Variants in UPP2 observed in about 807,000 individuals in gnomAD.
UPP2 encodes the protein UPase 2.
UPP2 carries 23 observed loss-of-function variants against 26.7 expected under a neutral mutation model. The ratio of observed to expected loss-of-function variants is 0.86; its 90% CI spans 0.62 to 1.22. The LOEUF (loss-of-function observed/expected upper bound fraction) is 1.22. UPP2 is among the 50% of genes most tolerant of loss of function. UPP2 has a pLI of 0.00. For synonymous variants in UPP2, 127 were observed against 141.3 expected, an observed-to-expected ratio of 0.90 and a Z score of 0.72; for missense variants, 387 against 396.7, an observed-to-expected ratio of 0.98 and a Z score of 0.21.
Position 158,101,963 on chromosome 2 carries a change from G to A in UPP2, c.-101G>A, listed in dbSNP as rs1160577871. 1.3e-6 allele frequency: 2 copies of A among 1,491,216 alleles called. No individual in the cohort carries two copies. The highest frequency in any genetic ancestry group is 1.8e-6 in the Non-Finnish European group (2 of 1,121,244). The allele number at this position is 1,491,216 out of a possible 1,614,324, so 92.4% of individuals were successfully genotyped here. ...TTTAAGAGAGGTTATCATTCTGACT[G>A]GGAACTGAACTATTATGACTAGGTC... On this transcript the variant is annotated 5_prime_UTR_variant, in exon 1 of 7. Coordinates refer to ENST00000005756, the MANE Select transcript of UPP2 (RefSeq NM_173355.4).
At position 158,121,438 on chromosome 2, in the gene UPP2, G is replaced by T. The variant is rs769538423; in HGVS notation, c.484G>T (p.Asp162Tyr). 1.2e-6 allele frequency: 2 copies of T among 1,613,254 alleles called. No individual in the cohort carries two copies. The highest frequency in any genetic ancestry group is 4.5e-5 in the East Asian group (2 of 44,866). Residue 162 changes from aspartate (D) to tyrosine (Y), a missense_variant, in exon 5 of 7, where the codon GAT (aspartate) becomes TAT (tyrosine). Transcript: ENST00000005756. The part of the protein sequence containing the change: ...GIAPGTVVIT[D>Y]IAVDSFFKPR... The stretch of plus-strand genomic sequence containing the variant: ...TGCACCAGGGACTGTTGTAATAACG[G>T]ATATAGCTGTAGACTCCTTCTTTAA...
Position 158,035,726 on chromosome 2 carries a change from G to C in UPP2, c.147+19840G>C, listed in dbSNP as rs528043712. 2.0e-5 allele frequency among the ~76,000 whole-genome samples: 3 copies of C among 152,310 alleles called. No individual in the cohort carries two copies. In the South Asian group the frequency reaches 6.2e-4, roughly 32 times the overall value. The stretch of plus-strand genomic sequence containing the variant: ...TTCATACATTGATGACATTAGATCT[G>C]CCAAACTGTTTAGCACTGTATAAAA... On this transcript the variant is annotated intron_variant, in intron 3 of 9. Transcript: ENST00000605860.
At position 158,056,930 on chromosome 2, in the gene UPP2, G is replaced by T. The variant is rs576741753; in HGVS notation, c.147+41044G>T. 4.5e-4 allele frequency among the ~76,000 whole-genome samples: 68 copies of T among 152,254 alleles called. 2 individuals are homozygous for T. In the South Asian group the frequency reaches 0.013, roughly 30 times the overall value. ...ATTATGTCATGTCTCTTTAGGCTTTGCTTGGCTGTGGCAGTTTTTCAGATT... is the reference window on the plus strand; with the variant it reads ...ATTATGTCATGTCTCTTTAGGCTTTTCTTGGCTGTGGCAGTTTTTCAGATT... On this transcript the variant is annotated intron_variant, in intron 3 of 9. Coordinates refer to the UPP2 transcript ENST00000605860.
At chr2:158,030,579 T>C (rs1237734053) in intron 3 of UPP2, among the ~76,000 whole-genome samples, 2 of 152,212 alleles carry the variant, frequency 1.3e-5, no homozygotes, top group East Asian at 1.9e-4. Context: ...TCATCAGGAC[T>C]CCAGGTGACA....
chr2:158,012,775 G>A (rs1683601270), intron 2 of UPP2, among the ~76,000 whole-genome samples: 1 of 152,012 alleles, frequency 6.6e-6, no homozygotes, highest in Non-Finnish European at 1.5e-5. Context: ...GTCACTACAA[G>A]GAGATGGTAA....
At chr2:158,056,402 TA>T (rs1682245983) in intron 3 of UPP2, among the ~76,000 whole-genome samples, 1 of 152,222 alleles carries the variant, frequency 6.6e-6, no homozygotes, top group Non-Finnish European at 1.5e-5. Context: ...TTGTTTTGTT[TA>T]TTTACTTTTT....
At chr2:158,108,923 TG>T (rs1373060465) in intron 2 of UPP2, among the ~76,000 whole-genome samples, 4 of 151,356 alleles carry the variant, frequency 2.6e-5, no homozygotes, top group African/African-American at 7.3e-5. Context: ...TGTGTGTGTG[TG>T]TGTGTGTGTT....
chr2:158,009,064 T>C (rs1683536738), intron 2 of UPP2, among the ~76,000 whole-genome samples: 1 of 152,228 alleles, frequency 6.6e-6, no homozygotes, highest in Non-Finnish European at 1.5e-5. Context: ...CTGAAATGCT[T>C]TGATATTGCA....
At chr2:158,108,787 T>C (rs1450966739) in intron 2 of UPP2, among the ~76,000 whole-genome samples, 1 of 152,116 alleles carries the variant, frequency 6.6e-6, no homozygotes, top group African/African-American at 2.4e-5. Context: ...TTCAGTAAAT[T>C]ATCTTTTGGA....
intron 3 of UPP2, among the ~76,000 whole-genome samples, chr2:158,094,260 A>G (rs1682954418): frequency 6.6e-6 from 1 of 152,126 alleles, no homozygotes; most frequent in East Asian, 1.9e-4. Context: ...AATGTGTTAA[A>G]TATGGCAAAA....
intron 3 of UPP2, among the ~76,000 whole-genome samples, chr2:158,071,042 G>A (rs941151971): frequency 1.3e-5 from 2 of 152,154 alleles, no homozygotes; most frequent in South Asian, 2.1e-4. Flanking sequence ...TTCTCTGCAA[G>A]CCTCATCACC....
At chr2:158,020,024 T>A (rs933782962) in intron 3 of UPP2, among the ~76,000 whole-genome samples, 2 of 152,234 alleles carry the variant, frequency 1.3e-5, no homozygotes, top group Non-Finnish European at 2.9e-5. Context: ...ATACCTAGCA[T>A]AAAGGCTAAG....
At chr2:158,107,486 T>C (rs985947103) in intron 2 of UPP2, among the ~76,000 whole-genome samples, 3 of 152,158 alleles carry the variant, frequency 2.0e-5, no homozygotes, top group African/African-American at 7.2e-5. Flanking sequence ...CTAGGGTTCT[T>C]GCTCATTGCA....
At chr2:158,002,282 G>A (rs1008533202) in intron 2 of UPP2, among the ~76,000 whole-genome samples, 3 of 152,170 alleles carry the variant, frequency 2.0e-5, no homozygotes, top group African/African-American at 7.2e-5. Context: ...AAAGATAAAC[G>A]TGCAACTCGA....
At chr2:158,089,603 C>T (rs1682874274) in intron 3 of UPP2, among the ~76,000 whole-genome samples, 1 of 152,214 alleles carries the variant, frequency 6.6e-6, no homozygotes, top group Non-Finnish European at 1.5e-5. Context: ...CCTCTGGCAG[C>T]CCTCCCAAAG....
At chr2:158,078,455 A>G (rs890911067) in intron 3 of UPP2, among the ~76,000 whole-genome samples, 1 of 152,210 alleles carries the variant, frequency 6.6e-6, no homozygotes, top group African/African-American at 2.4e-5. Context: ...TAGCCATAAA[A>G]AGAATAAGAG....
chr2:158,037,096 T>C (rs566854803), intron 3 of UPP2, among the ~76,000 whole-genome samples: 10 of 152,250 alleles, frequency 6.6e-5, no homozygotes, highest in Admixed American at 6.5e-4. Flanking sequence ...AATCCTTGGC[T>C]GGGTGTGGTG....
rs147927968 is a variant in UPP2 at position 158,066,377 on chromosome 2, G to T, written c.148-35663G>T. Among the ~76,000 whole-genome samples the T allele has an allele frequency of 1.2e-3, 179 of 152,296 alleles. 1 individual carries two copies. Among genetic ancestry groups the T allele is most frequent in the Middle Eastern group, 6.8e-3 (2 of 294 alleles). On this transcript the variant is annotated intron_variant, in intron 3 of 9. Transcript: ENST00000605860. The stretch of plus-strand genomic sequence containing the variant: ...AGTTATGTCTTGTTTAAATCTATTT[G>T]CTTGCCAGAATCTTATCAATATATA...
chr2:158,009,540 G>T (rs1440327676), intron 2 of UPP2, among the ~76,000 whole-genome samples: 2 of 152,214 alleles, frequency 1.3e-5, no homozygotes, highest in Non-Finnish European at 2.9e-5. Flanking sequence ...TGGCTTTTAA[G>T]AACATAATCT....
Sources: gnomAD v4.1 joint callset for allele counts (sites outside exome capture counted in the v4.1 genomes callset) on GRCh38, gnomAD v4.1.1 for gene constraint, MANE v1.5 for transcripts, NCBI Gene and HGNC (gene_info 2026-07-23, HGNC 2026-07-21) for gene names.